The following CRBN variants were observed in gnomAD, a reference collection of about 807,000 sequenced individuals.
CRBN encodes protein cereblon.
In CRBN, 53 loss-of-function variants were observed where a neutral mutation model predicts 62.2. The observed-to-expected ratio is 0.85, with a 90% confidence interval of 0.68 to 1.07. The LOEUF (loss-of-function observed/expected upper bound fraction) is 1.07. CRBN is among the 50% of genes least tolerant of loss of function. CRBN has a pLI of 0.00. For synonymous variants in CRBN, 208 were observed against 176.1 expected, an observed-to-expected ratio of 1.18 and a Z score of -1.43; for missense variants, 616 against 531.1, an observed-to-expected ratio of 1.16 and a Z score of -1.57.
At chr3:3,177,331 A>C (rs1295986676) in intron 1 of CRBN, among the ~76,000 whole-genome samples, 1 of 152,232 alleles carries the variant, frequency 6.6e-6, no homozygotes, top group Non-Finnish European at 1.5e-5. Flanking sequence ...CCCTGACAGA[A>C]AATAAAAATG....
intron 4 of CRBN, 199 bp downstream of exon 4, chr3:3,172,577 G>A (rs1013847057): frequency 2.8e-5 from 17 of 600,394 alleles, no homozygotes; most frequent in Admixed American, 1.5e-4. Context: ...TGGAACTCAA[G>A]CTTCTATAGT....
chr3:3,164,339 G>C (rs1456504829), intron 5 of CRBN, among the ~76,000 whole-genome samples: 1 of 152,210 alleles, frequency 6.6e-6, no homozygotes, highest in Non-Finnish European at 1.5e-5. Context: ...AATATGAAAT[G>C]CTACTCTGGT....
At chr3:3,168,467 A>G (rs767227630) in intron 4 of CRBN, among the ~76,000 whole-genome samples, 6 of 152,164 alleles carry the variant, frequency 3.9e-5, no homozygotes, top group Non-Finnish European at 8.8e-5. Context: ...ACATCTTATC[A>G]TGAACTAGTG....
chr3:3,155,810 C>CTT (rs58011951), intron 6 of CRBN: 76 of 159,668 alleles, frequency 4.8e-4, no homozygotes, highest in South Asian at 3.8e-3. Context: ...CTTGTGATAC[C>CTT]TTTTTTTTTC....
At chr3:3,165,639 A>C (rs570539012) in intron 5 of CRBN, among the ~76,000 whole-genome samples, 21 of 152,346 alleles carry the variant, frequency 1.4e-4, no homozygotes, top group African/African-American at 4.8e-4. Context: ...CACATGATAG[A>C]CTACAGTATT....
chr3:3,151,698 C>G (rs1360697533), intron 10 of CRBN, among the ~76,000 whole-genome samples: 1 of 152,128 alleles, frequency 6.6e-6, no homozygotes, highest in African/African-American at 2.4e-5. Context: ...ATAGGGCAAT[C>G]CAAGATACAT....
intron 4 of CRBN, among the ~76,000 whole-genome samples, chr3:3,169,935 C>A (rs574449329): frequency 3.3e-5 from 5 of 152,086 alleles, no homozygotes; most frequent in African/African-American, 1.2e-4. Flanking sequence ...TGCCCACCCC[C>A]CCTCCGCCCT....
chr3:3,172,198 C>T (rs1575098874), intron 4 of CRBN: 1 of 153,584 alleles, frequency 6.5e-6, no homozygotes, highest in South Asian at 2.0e-4. Context: ...ATTTATTGAT[C>T]ATTTATTATG....
intron 5 of CRBN, among the ~76,000 whole-genome samples, chr3:3,158,776 A>C (rs1236699556): frequency 6.6e-6 from 1 of 152,228 alleles, no homozygotes; most frequent in African/African-American, 2.4e-5. Context: ...TAGGATCTGT[A>C]TACAGGGAGT....
intron 3 of CRBN, 105 bp downstream of exon 3, chr3:3,173,954 C>T (rs2126068344): frequency 3.1e-6 from 3 of 966,508 alleles, no homozygotes; most frequent in South Asian, 1.3e-5. Context: ...TCTTACCCAA[C>T]CTCTCCTGTA....
At chr3:3,151,250 C>A (rs1469825423) in intron 10 of CRBN, among the ~76,000 whole-genome samples, 2 of 152,188 alleles carry the variant, frequency 1.3e-5, no homozygotes, top group African/African-American at 4.8e-5. Context: ...CTTTTATGCT[C>A]TTAAGCCATG....
At chr3:3,176,693 G>A (rs1575103248) in intron 1 of CRBN, among the ~76,000 whole-genome samples, 1 of 152,222 alleles carries the variant, frequency 6.6e-6, no homozygotes, top group East Asian at 1.9e-4. Flanking sequence ...CTGAGATTGT[G>A]CTATTGCACT....
intron 5 of CRBN, among the ~76,000 whole-genome samples, chr3:3,160,191 A>C (rs1707078730): frequency 6.6e-6 from 1 of 152,196 alleles, no homozygotes. Context: ...AGAATGTTCA[A>C]AACATGTGAA....
At chr3:3,162,922 C>A (rs756370866) in intron 5 of CRBN, among the ~76,000 whole-genome samples, 1 of 152,184 alleles carries the variant, frequency 6.6e-6, no homozygotes, top group Non-Finnish European at 1.5e-5. Context: ...AAGACAAACA[C>A]TGTTACATAA....
At chr3:3,149,720 A>AG (rs1706350287), downstream of CRBN, 1 of 152,076 alleles carries the variant, frequency 6.6e-6, no homozygotes, top group African/African-American at 2.4e-5. Context: ...GTATTCTTGA[A>AG]TTTTCATTTA....
At chr3:3,179,008 C>A (rs1707952775) in intron 1 of CRBN, among the ~76,000 whole-genome samples, 1 of 151,794 alleles carries the variant, frequency 6.6e-6, no homozygotes, top group African/African-American at 2.4e-5. Flanking sequence ...TGAGAAAGAC[C>A]GATAGTAAGA....
intron 5 of CRBN, among the ~76,000 whole-genome samples, chr3:3,166,599 C>G (rs954499700): frequency 6.6e-6 from 1 of 152,054 alleles, no homozygotes; most frequent in East Asian, 1.9e-4. Context: ...TTAGAATCTT[C>G]CTTAGAAACA....
chr3:3,173,028 A>G (rs2126067791), intron 3 of CRBN, 103 bp from the exon 4 acceptor site: 1 of 842,034 alleles, frequency 1.2e-6, no homozygotes, highest in East Asian at 2.4e-5. Flanking sequence ...TATAGAATCA[A>G]CCCTTACTAC....
chr3:3,179,235 T>C (rs1240985916), intron 1 of CRBN, among the ~76,000 whole-genome samples: 1 of 152,230 alleles, frequency 6.6e-6, no homozygotes, highest in Non-Finnish European at 1.5e-5. Flanking sequence ...AAGTGCTTAG[T>C]ACATGTTAGC....
Sources: gnomAD v4.1 joint callset for allele counts (sites outside exome capture counted in the v4.1 genomes callset) on GRCh38, gnomAD v4.1.1 for gene constraint, MANE v1.5 for transcripts, NCBI Gene and HGNC (gene_info 2026-07-23, HGNC 2026-07-21) for gene names.